RAD51B: variants seen among roughly 807,000 people sequenced by gnomAD.
RAD51B encodes the protein DNA repair protein RAD51 homolog 2.
In RAD51B, 38 loss-of-function variants were observed where a neutral mutation model predicts 42.2. The ratio of observed to expected loss-of-function variants is 0.90; its 90% CI spans 0.70 to 1.18. RAD51B has a LOEUF of 1.18. Ranked by LOEUF, RAD51B falls within the 50% of genes most tolerant of loss-of-function variation. The pLI is 0.00. For synonymous variants in RAD51B, 154 were observed against 145.2 expected (o/e 1.06, Z -0.43); for missense variants, 373 against 400.7 (o/e 0.93, Z 0.59).
rs376874923 is a variant in RAD51B, at chr14:68,221,862, CA to C, written c.757-70017del. ...ATCAAGAAAAAACAAACAATTCCAT[CA>C]AAAAGTGGGCTAAGGACATGAATAG... On this transcript the variant is annotated intron_variant, in intron 7 of 10. Transcript: ENST00000471583. 7.8e-3 allele frequency among the ~76,000 whole-genome samples: 1,181 copies of C among 152,180 alleles called. 16 individuals are homozygous for C. The highest frequency in any genetic ancestry group is 0.028 in the African/African-American group (1,144 of 41,524).
At chr14:68,231,789 TG>T (rs1424485876) in intron 7 of RAD51B, among the ~76,000 whole-genome samples, 15 of 151,666 alleles carry the variant, frequency 9.9e-5, no homozygotes, top group Admixed American at 2.6e-4. Flanking sequence ...ACTAAGGTAA[TG>T]AAAAAATTAT....
chr14:68,573,071 C>T (rs1385005457), intron 10 of RAD51B, among the ~76,000 whole-genome samples: 5 of 152,146 alleles, frequency 3.3e-5, no homozygotes, highest in African/African-American at 1.2e-4. Context: ...CTGCTACAGT[C>T]ACCTCATACT....
chr14:68,234,342 C>T (rs1046513574), intron 7 of RAD51B, among the ~76,000 whole-genome samples: 3 of 152,056 alleles, frequency 2.0e-5, no homozygotes, highest in South Asian at 2.1e-4. Flanking sequence ...GTCCAATGGA[C>T]GACAATAGTA....
intron 7 of RAD51B, among the ~76,000 whole-genome samples, chr14:68,233,564 T>C (rs2080188543): frequency 6.6e-6 from 1 of 152,248 alleles, no homozygotes; most frequent in Non-Finnish European, 1.5e-5. Flanking sequence ...GAGATGCAGT[T>C]GTAACTAAGG....
intron 9 of RAD51B, among the ~76,000 whole-genome samples, chr14:68,450,801 G>C (rs1001682887): frequency 6.6e-6 from 1 of 152,176 alleles, no homozygotes; most frequent in Non-Finnish European, 1.5e-5. Flanking sequence ...TTAATTGTTT[G>C]TTGGGACTGG....
At chr14:68,103,421 A>T (rs577298926) in intron 7 of RAD51B, among the ~76,000 whole-genome samples, 1 of 152,308 alleles carries the variant, frequency 6.6e-6, no homozygotes, top group South Asian at 2.1e-4. Context: ...GAAGAGTATG[A>T]TGATAAAAAA....
At chr14:68,462,169 A>G (rs112501086) in intron 9 of RAD51B, among the ~76,000 whole-genome samples, 23,896 of 152,214 alleles carry the variant, frequency 0.16, 2,484 homozygotes, top group Non-Finnish European at 0.23. Flanking sequence ...CAGAGTGTAA[A>G]TTGAATCTGC....
At chr14:68,562,767 G>C in intron 10 of RAD51B, 3 of 985,324 alleles carry the variant, frequency 3.0e-6, no homozygotes, top group Non-Finnish European at 3.6e-6. Context: ...ATATCTAAAA[G>C]ATGCCATGCT....
intron 9 of RAD51B, among the ~76,000 whole-genome samples, chr14:68,457,855 C>T (rs770457823): frequency 8.9e-5 from 13 of 146,202 alleles, no homozygotes; most frequent in Non-Finnish European, 1.5e-4. Flanking sequence ...CCTCGTGATA[C>T]GCCCACCTCA....
chr14:68,385,279 G>C (rs1400914620), intron 8 of RAD51B, among the ~76,000 whole-genome samples: 3 of 152,082 alleles, frequency 2.0e-5, no homozygotes. Context: ...CCCAGCCCCT[G>C]GCAACAGAAA....
intron 8 of RAD51B, among the ~76,000 whole-genome samples, chr14:68,297,735 AG>A (rs1237157921): frequency 1.3e-5 from 2 of 152,204 alleles, no homozygotes; most frequent in Admixed American, 1.3e-4. Flanking sequence ...GCTTTTCCAT[AG>A]TATTTTTAAT....
intron 7 of RAD51B, among the ~76,000 whole-genome samples, chr14:68,257,931 G>A (rs1194578715): frequency 6.6e-6 from 1 of 152,192 alleles, no homozygotes; most frequent in Non-Finnish European, 1.5e-5. Flanking sequence ...GAGAAAGTAA[G>A]TCAAACTAGA....
At chr14:68,425,935 T>TC (rs1566876282) in intron 9 of RAD51B, among the ~76,000 whole-genome samples, 12 of 133,406 alleles carry the variant, frequency 9.0e-5, no homozygotes, top group Admixed American at 2.4e-4. Context: ...AAGGCCATTC[T>TC]TTTTCTTTCT....
chr14:68,347,565 A>G (rs577566029), intron 8 of RAD51B, among the ~76,000 whole-genome samples: 2 of 152,226 alleles, frequency 1.3e-5, no homozygotes, highest in East Asian at 3.9e-4. Context: ...GTGCCTCCCA[A>G]ATTGGCTGAA....
At chr14:68,285,197 GTC>G (rs1351809754) in intron 7 of RAD51B, among the ~76,000 whole-genome samples, 3 of 152,114 alleles carry the variant, frequency 2.0e-5, no homozygotes, top group African/African-American at 2.4e-5. Context: ...GAAAGTTCCG[GTC>G]TCTGTCTCCT....
chr14:68,315,771 C>T (rs2082047869), intron 8 of RAD51B, among the ~76,000 whole-genome samples: 1 of 152,204 alleles, frequency 6.6e-6, no homozygotes, highest in South Asian at 2.1e-4. Flanking sequence ...ATCTGCCCGC[C>T]TTGGCCTCCC....
intron 8 of RAD51B, among the ~76,000 whole-genome samples, chr14:68,322,988 C>T (rs926825976): frequency 7.9e-5 from 12 of 152,160 alleles, no homozygotes; most frequent in Admixed American, 7.2e-4. Flanking sequence ...CCAGTAGATT[C>T]GTGACTATGA....
At chr14:68,657,866 C>T (rs1424648664) in intron 11 of RAD51B, among the ~76,000 whole-genome samples, 1 of 152,196 alleles carries the variant, frequency 6.6e-6, no homozygotes, top group Non-Finnish European at 1.5e-5. Context: ...CCAGGCTGGA[C>T]AAAGATGGGA....
rs1246922072 is a variant in RAD51B, at chr14:67,825,466, CT to C, written c.92del (p.Leu31TyrfsTer9). 5 of 1,603,868 alleles carry C rather than the reference CT, an allele frequency of 3.1e-6. No individual in the cohort carries two copies. The highest frequency in any genetic ancestry group is 3.4e-6 in the Non-Finnish European group (4 of 1,173,584). ...SRHQILTCQD[F>X]LCLSPLELMK... ...ATACTCTCTTTATGTTTCTTTAGGA[CT>C]TTTTATGTCTTTCCCCACTGGAGCT... is the stretch of plus-strand genomic sequence containing the variant. On this transcript the variant is annotated frameshift_variant, in exon 3 of 11. Coordinates refer to ENST00000471583, the MANE Select transcript of RAD51B (RefSeq NM_133510.4). LOFTEE classifies it high-confidence loss of function.
Sources: allele counts gnomAD v4.1 joint callset (sites outside exome capture counted in the v4.1 genomes callset), GRCh38; gene constraint gnomAD v4.1.1; transcripts MANE v1.5; gene names NCBI Gene and HGNC (gene_info 2026-07-23, HGNC 2026-07-21).